RPAP2: variants seen among roughly 807,000 people sequenced by gnomAD.
RPAP2 encodes RNA polymerase II associated protein 2.
A neutral mutation model predicts 73.1 loss-of-function variants in RPAP2; 52 were observed. The observed-to-expected ratio is 0.71, with a 90% CI of 0.57 to 0.90. RPAP2 has a LOEUF of 0.90. RPAP2 is among the 40% of genes least tolerant of loss of function. RPAP2 has a pLI of 0.00. For synonymous variants in RPAP2, 225 were observed against 242.1 expected (o/e 0.93, Z 0.65); for missense variants, 598 against 701.8 (o/e 0.85, Z 1.67).
chr1:92,352,759 G>T (rs578189990), intron 11 of RPAP2, among the ~76,000 whole-genome samples: 1 of 152,158 alleles, frequency 6.6e-6, no homozygotes, highest in South Asian at 2.1e-4. Context: ...CTGGTTTTTA[G>T]TATATTCACT....
At chr1:92,320,471 C>T in intron 6 of RPAP2, 128 bp from the exon 7 acceptor site, 1 of 613,708 alleles carries the variant, frequency 1.6e-6, no homozygotes, top group Non-Finnish European at 3.0e-6. Flanking sequence ...TGGGGTTTCA[C>T]CATGTTGGCC....
chr1:92,304,002 A>G lies in RPAP2; in HGVS notation c.260A>G (p.Tyr87Cys). ...GGGAGGTTCATTACACCTGCTCACT[A>G]CAGTGATGTCGTGGATGAACGTTCT... ...ECGRFITPAH[Y>C]SDVVDERSIV... The change falls in exon 4 of 13, where the codon TAC (tyrosine) becomes TGC (cysteine). Residue 87 changes from tyrosine (Y) to cysteine (C), a missense_variant. By Grantham distance (194) the Tyr-to-Cys change is radical. Around this residue, in one of 3 missense-constraint regions of RPAP2, gnomAD observed 506 missense variants for 612.8 expected, o/e 0.83. Transcript: ENST00000610020. The G allele has an allele frequency of 6.2e-7, 1 of 1,612,300 alleles. No homozygotes were observed.
At chr1:92,330,909 C>T (rs939429295) in intron 8 of RPAP2, among the ~76,000 whole-genome samples, 4 of 152,138 alleles carry the variant, frequency 2.6e-5, no homozygotes, top group Admixed American at 2.0e-4. Context: ...CTTATCCCCA[C>T]CCCATATTTA....
Position 92,387,152 on chromosome 1 carries a change from C to T in RPAP2, c.*141C>T. On this transcript the variant is annotated 3_prime_UTR_variant, in exon 13 of 13. Coordinates refer to ENST00000610020, the MANE Select transcript of RPAP2 (RefSeq NM_024813.3). ...ACCTCTTTAAGTTTCAATCTCCCAT[C>T]TCCCAGTCCTTCAGTCCCCAACTGC... 2 of 776,648 alleles carry T rather than the reference C, an allele frequency of 2.6e-6. No homozygotes were observed. The highest frequency in any genetic ancestry group is 3.9e-6 in the Non-Finnish European group (2 of 512,652). 48.1% of individuals were successfully genotyped at this position (776,648 alleles called of 1,614,324 possible). A position where few individuals can be genotyped will look rare whatever the true frequency, so the allele number is the denominator to read the frequency against.
chr1:92,310,377 C>T (rs1651519461), intron 6 of RPAP2, among the ~76,000 whole-genome samples: 1 of 152,138 alleles, frequency 6.6e-6, no homozygotes, highest in Non-Finnish European at 1.5e-5. Context: ...AGCTATTGCA[C>T]ATTTAAGCTC....
chr1:92,343,656 G>A (rs1434933744), intron 10 of RPAP2, among the ~76,000 whole-genome samples: 4 of 151,900 alleles, frequency 2.6e-5, no homozygotes, highest in Non-Finnish European at 5.9e-5. Flanking sequence ...GCCTACTGAC[G>A]GCCAGCCACT....
chr1:92,317,369 G>C (rs1288076229), intron 6 of RPAP2, among the ~76,000 whole-genome samples: 4 of 151,912 alleles, frequency 2.6e-5, no homozygotes, highest in African/African-American at 9.7e-5. Context: ...TGAGCTGGGC[G>C]TAGTGGCGGG....
At chr1:92,318,000 GCTAT>G (rs1652024359) in intron 6 of RPAP2, among the ~76,000 whole-genome samples, 1 of 152,126 alleles carries the variant, frequency 6.6e-6, no homozygotes, top group Non-Finnish European at 1.5e-5. Flanking sequence ...TCAATCTGCA[GCTAT>G]CACTCCTGAG....
chr1:92,396,017 G>C lies in RPAP2; in HGVS notation c.*9006G>C, dbSNP rs1323025807. ...GCTGGTGGGAATGTAAAATGGTGCA[G>C]CCACTTTGGAAAACAGTTTGGCAGT... On this transcript the variant is annotated 3_prime_UTR_variant, in exon 13 of 13. Coordinates refer to ENST00000610020, the MANE Select transcript of RPAP2 (RefSeq NM_024813.3). 3 of 152,150 alleles carry C rather than the reference G, an allele frequency of 2.0e-5. No homozygotes were observed. The highest frequency in any genetic ancestry group is 7.2e-5 in the African/African-American group (3 of 41,442). 9.4% of individuals were successfully genotyped at this position (152,150 alleles called of 1,614,324 possible).
At chr1:92,310,772 C>T (rs1651545800) in intron 6 of RPAP2, among the ~76,000 whole-genome samples, 1 of 152,084 alleles carries the variant, frequency 6.6e-6, no homozygotes, top group African/African-American at 2.4e-5. Context: ...TGGAACATGC[C>T]TGTAGCCCCA....
Position 92,380,329 on chromosome 1 carries a change from T to A in RPAP2, c.1689-395T>A, listed in dbSNP as rs1252496721. 2.0e-5 allele frequency among the ~76,000 whole-genome samples: 3 copies of A among 152,238 alleles called. No homozygotes were observed. In the East Asian group the frequency reaches 5.8e-4, roughly 29 times the overall value. ...CATTCAAAAGGTAATCTTGTTTGTT[T>A]ACTATTGTCTTTTTAGGTGATATAA... On this transcript the variant is annotated intron_variant, in intron 11 of 12. Coordinates refer to ENST00000610020, the MANE Select transcript of RPAP2 (RefSeq NM_024813.3).
At position 92,332,384 on chromosome 1, in the gene RPAP2, C is replaced by T. The variant is rs1036934299; in HGVS notation, c.1456-1007C>T. ...ATAATTTTTCTTTGAATATATTAAA[C>T]ATGTATTTTAAATAATGCTGATAAC... On this transcript the variant is annotated intron_variant, in intron 8 of 12. Transcript: ENST00000610020. 2.6e-5 allele frequency among the ~76,000 whole-genome samples: 4 copies of T among 152,108 alleles called. No individual in the cohort carries two copies. In the South Asian group the frequency reaches 6.2e-4, roughly 24 times the overall value.
intron 11 of RPAP2, among the ~76,000 whole-genome samples, chr1:92,372,564 A>G (rs537520867): frequency 2.6e-5 from 4 of 152,308 alleles, no homozygotes; most frequent in South Asian, 2.1e-4. Flanking sequence ...AAGATGCAGA[A>G]TGTGTGGCCT....
chr1:92,351,305 C>CAA (rs60111119), intron 11 of RPAP2, among the ~76,000 whole-genome samples: 368 of 86,492 alleles, frequency 4.3e-3, no homozygotes, highest in Non-Finnish European at 5.1e-3. Context: ...GACTCTGTCT[C>CAA]AAAAAAAAAA....
In RPAP2 at chr1:92,341,537, G is replaced by A. The variant is rs371150393; in HGVS notation, c.1620-4309G>A. On this transcript the variant is annotated intron_variant, in intron 10 of 12. Transcript: ENST00000610020. Reference sequence around the variant, plus strand: ...CTCTTATTTGTGTTCTCTCCAGTGCGTGGAACAGTGATAATACAGCAGACA... The same window carrying A: ...CTCTTATTTGTGTTCTCTCCAGTGCATGGAACAGTGATAATACAGCAGACA... Among the ~76,000 whole-genome samples, 184 of 152,284 alleles carry A rather than the reference G, an allele frequency of 1.2e-3. 2 individuals carry two copies. In the South Asian group the frequency reaches 0.035, roughly 29 times the overall value.
intron 8 of RPAP2, among the ~76,000 whole-genome samples, chr1:92,327,228 G>T (rs575240087): frequency 8.5e-5 from 13 of 152,188 alleles, no homozygotes; most frequent in Admixed American, 8.5e-4. Flanking sequence ...AACAGGTCTT[G>T]ATGACCTGTC....
At chr1:92,363,640 A>T in intron 11 of RPAP2, 1 of 257,280 alleles carries the variant, frequency 3.9e-6, no homozygotes. Flanking sequence ...TTCTATGCGG[A>T]TATTTTTCCA....
Position 92,398,840 on chromosome 1 carries a change from G to A in RPAP2, c.*11829G>A, listed in dbSNP as rs1464073861. On this transcript the variant is annotated 3_prime_UTR_variant, in exon 13 of 13. Coordinates refer to ENST00000610020, the MANE Select transcript of RPAP2 (RefSeq NM_024813.3). The stretch of plus-strand genomic sequence containing the variant: ...CCTGTGTGATTCCTGATAAAGAAAT[G>A]CCTTCATGAAATGTATTGTTCCCCA... The A allele has an allele frequency of 6.6e-6, 1 of 152,262 alleles. No individual in the cohort carries two copies. Among genetic ancestry groups the A allele is most frequent in the Non-Finnish European group, 1.5e-5 (1 of 68,056 alleles). The allele number at this position is 152,262 out of a possible 1,614,324, so 9.4% of individuals were successfully genotyped here.
intron 1 of RPAP2, among the ~76,000 whole-genome samples, 158 bp downstream of exon 1, chr1:92,299,304 C>G (rs1258607304): frequency 1.3e-5 from 2 of 152,236 alleles, no homozygotes; most frequent in African/African-American, 4.8e-5. Flanking sequence ...GTCCGCACCT[C>G]CTGGGAAAGA....
Sources: gnomAD v4.1 joint callset for allele counts (sites outside exome capture counted in the v4.1 genomes callset) on GRCh38, gnomAD v4.1.1 for gene constraint, gnomAD v4.1.1 regional missense constraint, MANE v1.5 for transcripts, NCBI Gene and HGNC (gene_info 2026-07-23, HGNC 2026-07-21) for gene names.